The following GRM4 variants were observed in gnomAD, a reference collection of about 807,000 sequenced individuals.
GRM4 encodes the protein glutamate metabotropic receptor 4.
A neutral mutation model predicts 81.7 loss-of-function variants in GRM4; 28 were observed. The observed-to-expected ratio is 0.34, with a 90% CI of 0.25 to 0.47. GRM4 has a LOEUF of 0.47. Ranked by LOEUF, GRM4 falls within the 20% of genes least tolerant of loss-of-function variation. GRM4 has a pLI of 1.00. For synonymous variants in GRM4, 488 were observed against 528.8 expected (o/e 0.92, Z 1.06); for missense variants, 948 against 1,290.0 (o/e 0.73, Z 4.06).
In GRM4 at chr6:34,087,707, CCCA is replaced by C. The variant is rs1767978832; in HGVS notation, c.736+4173_736+4175del. On this transcript the variant is annotated intron_variant, in intron 3 of 10. Transcript: ENST00000538487. ...CCGCACACACACACACAACCCCCCC[CCCA>C]CACACACACACACAGGCCCAGTCTA... Among the ~76,000 whole-genome samples, 8 of 146,028 alleles carry C rather than the reference CCCA, an allele frequency of 5.5e-5. No homozygotes were observed. In the South Asian group the frequency reaches 6.7e-4, roughly 12 times the overall value.
At chr6:34,072,187 CCACA>C (rs1207877403) in intron 3 of GRM4, among the ~76,000 whole-genome samples, 10 of 128,478 alleles carry the variant, frequency 7.8e-5, no homozygotes, top group Admixed American at 2.3e-4. Flanking sequence ...CAGATACACA[CCACA>C]CACAGACACA....
chr6:34,050,375 G>A (rs2127454934), intron 6 of GRM4, among the ~76,000 whole-genome samples: 2 of 152,302 alleles, frequency 1.3e-5, no homozygotes, highest in Non-Finnish European at 2.9e-5. Flanking sequence ...AATCATGGGG[G>A]CGGATTCCTC....
intron 6 of GRM4, 100 bp downstream of exon 6, chr6:34,056,444 G>GC: frequency 9.0e-7 from 1 of 1,108,396 alleles, no homozygotes; most frequent in Admixed American, 2.3e-5. Context: ...ACGGCCGGCC[G>GC]ACGACAGACA....
chr6:34,050,704 C>T (rs1188693271), intron 6 of GRM4, among the ~76,000 whole-genome samples: 1 of 152,238 alleles, frequency 6.6e-6, no homozygotes, highest in Admixed American at 6.5e-5. Flanking sequence ...GCATTCCTGT[C>T]CTCCCAGCAC....
intron 6 of GRM4, among the ~76,000 whole-genome samples, chr6:34,053,240 A>C (rs544282437): frequency 2.0e-5 from 3 of 152,040 alleles, no homozygotes; most frequent in South Asian, 2.1e-4. Context: ...GCAGAGCCAG[A>C]CTCAGACCCA....
chr6:34,129,264 G>A lies in GRM4; in HGVS notation c.519+3714C>T, dbSNP rs368428033. Among the ~76,000 whole-genome samples, 15 of 152,126 alleles carry A rather than the reference G, an allele frequency of 9.9e-5. No homozygotes were observed. In the East Asian group the frequency reaches 1.7e-3, roughly 18 times the overall value. On this transcript the variant is annotated intron_variant, in intron 2 of 10. Coordinates refer to ENST00000538487, the MANE Select transcript of GRM4 (RefSeq NM_000841.4). ...TCCTGACCTCAGGTGATCCACCCGC[G>A]TTGGCCTCCCAATGTGCTGGGATTA...
At chr6:34,132,889 G>A (rs979212961) in intron 2 of GRM4, 89 bp downstream of exon 2, 16 of 1,066,340 alleles carry the variant, frequency 1.5e-5, no homozygotes, top group Non-Finnish European at 1.4e-5. Context: ...AGGAAAAAGG[G>A]GCTGGTCGGC....
intron 1 of GRM4, among the ~76,000 whole-genome samples, chr6:34,138,804 G>A (rs903566218): frequency 1.3e-5 from 2 of 152,208 alleles, no homozygotes; most frequent in Non-Finnish European, 1.5e-5. Context: ...CAGGCTTTGT[G>A]GAGGTGAATG....
rs1230237476 is a variant in GRM4 at position 34,155,195 on chromosome 6, GCA to G, written c.194_195del (p.Leu65ProfsTer24). The G allele has an allele frequency of 6.5e-7, 1 of 1,535,682 alleles. No homozygotes were observed. The highest frequency in any genetic ancestry group is 8.7e-7 in the Non-Finnish European group (1 of 1,146,644). On this transcript the variant is annotated frameshift_variant, in exon 1 of 9. Coordinates refer to the GRM4 transcript ENST00000374177. LOFTEE classifies it high-confidence loss of function. ...GCGGCCAGGCTCACCTGCTCTCCTG[GCA>G]GGGAGGGGCCTCTTGTGCGCACCCA...
chr6:34,092,425 G>A lies in GRM4; in HGVS notation c.520-326C>T, dbSNP rs949415876. 2.0e-5 allele frequency among the ~76,000 whole-genome samples: 3 copies of A among 152,174 alleles called. No homozygotes were observed. In the South Asian group the frequency reaches 6.2e-4, roughly 32 times the overall value. On this transcript the variant is annotated intron_variant, in intron 2 of 10. Coordinates refer to ENST00000538487, the MANE Select transcript of GRM4 (RefSeq NM_000841.4). The surrounding 1 kb of genome is among the most constrained non-coding windows in gnomAD (Gnocchi z 6.8). Reference sequence around the variant, plus strand: ...CAGCCCAGGGAAAATCCCCACATACGTGAGATGATTCAGCCTGGGGATGGG... The same window carrying A: ...CAGCCCAGGGAAAATCCCCACATACATGAGATGATTCAGCCTGGGGATGGG...
upstream of GRM4, among the ~76,000 whole-genome samples, chr6:34,146,670 A>G (rs1770940104): frequency 6.6e-6 from 1 of 152,196 alleles, no homozygotes; most frequent in Admixed American, 6.5e-5. Flanking sequence ...AGCTGGGGGA[A>G]GAAGGTGGCA....
chr6:34,145,961 C>T lies in GRM4; in HGVS notation c.-364+39G>A, dbSNP rs1049778721. ...CACCGGCGCCCTCTTCCGGAAGCCC[C>T]CCCCTTCCTCCTCCCCGTGCGCGTG... On this transcript the variant is annotated intron_variant, in intron 1 of 10. Coordinates refer to ENST00000538487, the MANE Select transcript of GRM4 (RefSeq NM_000841.4). 9.2e-6 allele frequency: 9 copies of T among 982,254 alleles called. No individual in the cohort carries two copies. The East Asian group carries it at 6.8e-4, about 75-fold the overall frequency. 60.8% of individuals were successfully genotyped at this position (982,254 alleles called of 1,614,324 possible).
intron 6 of GRM4, among the ~76,000 whole-genome samples, chr6:34,046,916 C>T (rs116477693): frequency 0.013 from 1,968 of 152,226 alleles, 24 homozygotes; most frequent in Middle Eastern, 0.041. Context: ...AAGCAAACTT[C>T]CAGGGAGTAG....
chr6:34,055,725 G>T (rs1016544376), intron 6 of GRM4: 1 of 152,262 alleles, frequency 6.6e-6, no homozygotes, highest in Admixed American at 6.5e-5. Flanking sequence ...TACCTAGGGG[G>T]CGGGGGCCCT....
intron 2 of GRM4, among the ~76,000 whole-genome samples, chr6:34,095,540 A>G (rs1430508072): frequency 6.6e-6 from 1 of 152,232 alleles, no homozygotes; most frequent in Non-Finnish European, 1.5e-5. Flanking sequence ...TGTGAGGGTC[A>G]CATGAGGGAA....
rs1343725651 is a variant in GRM4, at chr6:34,130,919, T to C, written c.519+2059A>G. ...AGCAGCCTCCCTTGTGGGGTGGCCT[T>C]CCTGGAGGCTGGGGATCTGTGCCCC... On this transcript the variant is annotated intron_variant, in intron 2 of 10. Transcript: ENST00000538487. The surrounding 1 kb of genome is among the most constrained non-coding windows in gnomAD (Gnocchi z 4.1). Among the ~76,000 whole-genome samples the C allele has an allele frequency of 6.6e-6, 1 of 152,222 alleles. No homozygotes were observed. The highest frequency in any genetic ancestry group is 1.5e-5 in the Non-Finnish European group (1 of 68,018).
intron 2 of GRM4, among the ~76,000 whole-genome samples, chr6:34,109,486 C>T (rs1237222189): frequency 1.3e-5 from 2 of 152,192 alleles, no homozygotes; most frequent in Non-Finnish European, 2.9e-5. Context: ...TCAGCAGGCA[C>T]GGCCAGGCCT....
chr6:34,146,607 C>T (rs1021764527), upstream of GRM4, among the ~76,000 whole-genome samples: 6 of 152,186 alleles, frequency 3.9e-5, no homozygotes, highest in Non-Finnish European at 8.8e-5. Flanking sequence ...CAATTAGAGC[C>T]GTGATGTGTG....
chr6:34,085,556 A>G (rs1767838998), intron 3 of GRM4, among the ~76,000 whole-genome samples: 1 of 152,204 alleles, frequency 6.6e-6, no homozygotes, highest in Non-Finnish European at 1.5e-5. Context: ...CTGTAGGCTG[A>G]GAGAGCAACC....
Sources: allele counts gnomAD v4.1 joint callset (sites outside exome capture counted in the v4.1 genomes callset), GRCh38; gene constraint gnomAD v4.1.1; non-coding constraint Gnocchi (gnomAD v3.1); transcripts MANE v1.5; gene names NCBI Gene and HGNC (gene_info 2026-07-23, HGNC 2026-07-21).